The following DENND1A variants were observed in gnomAD, a reference collection of about 807,000 sequenced individuals.
The protein encoded by DENND1A is DENN domain containing 1A, also known as DENN domain-containing protein 1A.
A neutral mutation model predicts 113.7 loss-of-function variants in DENND1A; 51 were observed. The ratio of observed to expected loss-of-function variants is 0.45; its 90% CI spans 0.36 to 0.57. The LOEUF is 0.57. DENND1A is among the 20% of genes least tolerant of loss of function. DENND1A has a pLI of 0.00. For synonymous variants in DENND1A, 565 were observed against 570.8 expected, an observed-to-expected ratio of 0.99 and a Z score of 0.14; for missense variants, 1,258 against 1,395.9, an observed-to-expected ratio of 0.90 and a Z score of 1.57.
intron 4 of DENND1A, among the ~76,000 whole-genome samples, chr9:123,762,093 G>A (rs1052230685): frequency 7.2e-5 from 11 of 152,156 alleles, no homozygotes; most frequent in African/African-American, 2.7e-4. Flanking sequence ...CTGGTTCAAA[G>A]TCCTTTCCAT....
chr9:123,451,111 C>G (rs915719046), intron 17 of DENND1A, among the ~76,000 whole-genome samples: 1 of 152,160 alleles, frequency 6.6e-6, no homozygotes, highest in Non-Finnish European at 1.5e-5. Context: ...AATATCCATT[C>G]TATTTCACCA....
At chr9:123,877,020 G>A (rs1281439792) in intron 2 of DENND1A, among the ~76,000 whole-genome samples, 1 of 152,126 alleles carries the variant, frequency 6.6e-6, no homozygotes, top group East Asian at 1.9e-4. Flanking sequence ...ATAGAGTGTG[G>A]AATAATAGGC....
chr9:123,446,978 T>C (rs1293723112), intron 18 of DENND1A, among the ~76,000 whole-genome samples: 1 of 152,220 alleles, frequency 6.6e-6, no homozygotes, highest in Non-Finnish European at 1.5e-5. Flanking sequence ...GTGCCTATCT[T>C]AACGTTGCCT....
chr9:123,606,548 C>T (rs553695362), intron 11 of DENND1A, among the ~76,000 whole-genome samples: 14 of 152,146 alleles, frequency 9.2e-5, no homozygotes, highest in East Asian at 1.9e-4. Flanking sequence ...CTACAAAAGG[C>T]CTTATTTTAA....
intron 13 of DENND1A, among the ~76,000 whole-genome samples, chr9:123,506,192 G>GA (rs1396029262): frequency 6.6e-6 from 1 of 152,134 alleles, no homozygotes; most frequent in East Asian, 1.9e-4. Context: ...CTGCACAACA[G>GA]AAAAAATAAT....
chr9:123,788,411 A>C (rs561662513), intron 3 of DENND1A, among the ~76,000 whole-genome samples: 1 of 152,248 alleles, frequency 6.6e-6, no homozygotes, highest in South Asian at 2.1e-4. Context: ...GAGAGTGGTG[A>C]CCATAATTTG....
rs1359037008 is a variant in DENND1A at position 123,610,043 on chromosome 9, C to T, written c.720-562G>A. ...AGAGCTGCCAGCAAGCATCTCCTCC[C>T]CAGTTGCACACATGCCATCCCATGA... On this transcript the variant is annotated intron_variant, in intron 10 of 23. Transcript: ENST00000394215. Among the ~76,000 whole-genome samples the T allele has an allele frequency of 3.3e-5, 5 of 152,170 alleles. No individual in the cohort carries two copies. In the South Asian group the frequency reaches 1.0e-3, roughly 31 times the overall value.
intron 9 of DENND1A, among the ~76,000 whole-genome samples, chr9:123,639,879 A>G (rs888206263): frequency 6.6e-6 from 1 of 152,114 alleles, no homozygotes; most frequent in African/African-American, 2.4e-5. Context: ...CTTCACATAT[A>G]TTTAACTCAC....
At chr9:123,383,628 C>A (rs2797946) in intron 23 of DENND1A, 27 bp downstream of exon 23, 1,600,574 of 1,601,006 alleles carry the variant, frequency 1, 800,072 homozygotes, top group Middle Eastern at 1. Flanking sequence ...GGCCCCCGGC[C>A]GATACCCTCC....
intron 13 of DENND1A, chr9:123,492,678 A>G (rs1178933753): frequency 1.3e-5 from 2 of 152,214 alleles, no homozygotes; most frequent in Admixed American, 1.3e-4. Flanking sequence ...ACGAAGCATC[A>G]TGGAGCTGGC....
chr9:123,441,364 T>C (rs1321908993), intron 18 of DENND1A, among the ~76,000 whole-genome samples: 1 of 152,250 alleles, frequency 6.6e-6, no homozygotes, highest in Non-Finnish European at 1.5e-5. Context: ...GATGTGTTTG[T>C]TCCTACCCCT....
At chr9:123,704,495 C>T (rs539989445) in intron 5 of DENND1A, among the ~76,000 whole-genome samples, 179 of 152,262 alleles carry the variant, frequency 1.2e-3, no homozygotes, top group African/African-American at 4.2e-3. Context: ...ATTCACCCAT[C>T]GTGGTCTCAT....
chr9:123,876,773 A>G (rs1238880826), intron 2 of DENND1A, among the ~76,000 whole-genome samples: 1 of 152,240 alleles, frequency 6.6e-6, no homozygotes, highest in Non-Finnish European at 1.5e-5. Context: ...AACTGCATTC[A>G]TATTTTTATA....
chr9:123,554,642 T>A (rs2057320286), intron 13 of DENND1A, among the ~76,000 whole-genome samples: 1 of 152,268 alleles, frequency 6.6e-6, no homozygotes, highest in African/African-American at 2.4e-5. Context: ...AAAGCCATTG[T>A]GGTTCAGATG....
intron 13 of DENND1A, among the ~76,000 whole-genome samples, chr9:123,528,316 C>A (rs2055012656): frequency 6.6e-6 from 1 of 152,154 alleles, no homozygotes; most frequent in African/African-American, 2.4e-5. Context: ...GCAGCTTCTC[C>A]AGTATACTGT....
intron 11 of DENND1A, 114 bp from the exon 12 acceptor site, chr9:123,583,384 CT>C: frequency 1.4e-6 from 1 of 725,494 alleles, no homozygotes; most frequent in Non-Finnish European, 2.3e-6. Context: ...TTGACAAAGT[CT>C]TACTCTGCAG....
At chr9:123,693,867 C>T (rs541181999) in intron 5 of DENND1A, among the ~76,000 whole-genome samples, 16 of 149,710 alleles carry the variant, frequency 1.1e-4, no homozygotes, top group African/African-American at 3.9e-4. Context: ...CTCTCTCTTT[C>T]ACCAGGCGGG....
intron 1 of DENND1A, among the ~76,000 whole-genome samples, chr9:123,903,997 G>A (rs1852256166): frequency 6.6e-6 from 1 of 152,200 alleles, no homozygotes; most frequent in Non-Finnish European, 1.5e-5. Context: ...AGAGAGCAGT[G>A]GTTTTCCCAG....
At chr9:123,742,618 G>C (rs949729921) in intron 5 of DENND1A, among the ~76,000 whole-genome samples, 3 of 152,198 alleles carry the variant, frequency 2.0e-5, no homozygotes, top group African/African-American at 7.2e-5. Flanking sequence ...AGTGGGGAAG[G>C]GAAGGAATTC....
Sources: allele counts gnomAD v4.1 joint callset (sites outside exome capture counted in the v4.1 genomes callset), GRCh38; gene constraint gnomAD v4.1.1; transcripts MANE v1.5; gene names NCBI Gene and HGNC (gene_info 2026-07-23, HGNC 2026-07-21).